The following LRP1B variants were observed in gnomAD, a reference collection of about 807,000 sequenced individuals.
LRP1B encodes the protein LDL receptor related protein 1B.
In LRP1B, 217 loss-of-function variants were observed where a neutral mutation model predicts 556.6. The observed-to-expected ratio is 0.39, with a 90% CI of 0.35 to 0.44. LRP1B has a LOEUF of 0.44. Ranked by LOEUF, LRP1B falls within the 20% of genes least tolerant of loss-of-function variation. The pLI is 1.00. For synonymous variants in LRP1B, 2,047 were observed against 1,865.8 expected (o/e 1.10, Z -2.50); for missense variants, 5,053 against 5,620.8 (o/e 0.90, Z 3.23).
At chr2:140,822,148 A>G (rs904605997) in intron 31 of LRP1B, among the ~76,000 whole-genome samples, 4 of 152,238 alleles carry the variant, frequency 2.6e-5, no homozygotes, top group African/African-American at 9.6e-5. Context: ...AATTCATAAT[A>G]TAAGGGCATT....
intron 1 of LRP1B, among the ~76,000 whole-genome samples, chr2:141,927,015 T>C (rs1205401146): frequency 6.6e-6 from 1 of 152,160 alleles, no homozygotes; most frequent in Non-Finnish European, 1.5e-5. Context: ...TGATTGTTAT[T>C]TACTGAATCA....
chr2:142,066,065 A>G (rs1367209329), intron 1 of LRP1B, among the ~76,000 whole-genome samples: 1 of 151,520 alleles, frequency 6.6e-6, no homozygotes, highest in African/African-American at 2.4e-5. Context: ...GAAAAAAAGA[A>G]TCACCAGTCC....
intron 84 of LRP1B, among the ~76,000 whole-genome samples, chr2:140,294,343 C>T (rs1032931576): frequency 6.6e-6 from 1 of 152,104 alleles, no homozygotes; most frequent in Non-Finnish European, 1.5e-5. Context: ...CTTTTGTTAA[C>T]ATTTATTCAA....
At chr2:140,729,137 GA>G (rs1482298045) in intron 35 of LRP1B, among the ~76,000 whole-genome samples, 1 of 151,850 alleles carries the variant, frequency 6.6e-6, no homozygotes, top group Non-Finnish European at 1.5e-5. Flanking sequence ...AAAAAGAGAA[GA>G]ATCTAATTTT....
chr2:141,771,590 AC>A, intron 2 of LRP1B, among the ~76,000 whole-genome samples: 1 of 152,116 alleles, frequency 6.6e-6, no homozygotes, highest in Non-Finnish European at 1.5e-5. Flanking sequence ...TAATTCTAGG[AC>A]CTTTTTTTAA....
intron 23 of LRP1B, chr2:140,898,985 A>G (rs1694026885): frequency 5.3e-6 from 2 of 376,826 alleles, no homozygotes; most frequent in South Asian, 2.2e-5. Flanking sequence ...AACTGTCTTG[A>G]GCTCAGCATG....
chr2:141,178,467 G>A lies in LRP1B; in HGVS notation c.1013+9954C>T, dbSNP rs564441642. On this transcript the variant is annotated intron_variant, in intron 7 of 90. Transcript: ENST00000389484. ...GATTCAGATATCTTTGAGCCTTTTG[G>A]TTCTTAGGTTGCTGTACAAAAGGAA... 3.8e-4 allele frequency among the ~76,000 whole-genome samples: 58 copies of A among 152,204 alleles called. 1 individual carries two copies. The highest frequency in any genetic ancestry group is 5.4e-4 in the Non-Finnish European group (37 of 68,004).
At chr2:140,665,034 C>T (rs886993258) in intron 41 of LRP1B, among the ~76,000 whole-genome samples, 1 of 152,022 alleles carries the variant, frequency 6.6e-6, no homozygotes, top group East Asian at 1.9e-4. Context: ...TAATTTGTAT[C>T]TTACCTTTAG....
At chr2:141,837,632 T>C (rs1697330654) in intron 1 of LRP1B, among the ~76,000 whole-genome samples, 1 of 152,124 alleles carries the variant, frequency 6.6e-6, no homozygotes, top group Admixed American at 6.6e-5. Context: ...GAAAGTTCTT[T>C]GGAGAAACTG....
intron 3 of LRP1B, among the ~76,000 whole-genome samples, chr2:141,381,286 G>A (rs1689632621): frequency 6.6e-6 from 1 of 151,402 alleles, no homozygotes. Flanking sequence ...AGTGGTTCAA[G>A]AGCAGACTCG....
intron 3 of LRP1B, among the ~76,000 whole-genome samples, chr2:141,398,361 G>A (rs930398696): frequency 1.3e-5 from 2 of 152,106 alleles, no homozygotes; most frequent in Non-Finnish European, 2.9e-5. Flanking sequence ...ATGCTCAAAA[G>A]GTGGCCAAAA....
chr2:141,368,776 A>T (rs1361087191), intron 3 of LRP1B, among the ~76,000 whole-genome samples: 2 of 152,226 alleles, frequency 1.3e-5, no homozygotes, highest in East Asian at 3.8e-4. Flanking sequence ...GAAAGCTATT[A>T]TGTAAGAATA....
chr2:141,180,048 G>T (rs1332417409), intron 7 of LRP1B, among the ~76,000 whole-genome samples: 1 of 151,628 alleles, frequency 6.6e-6, no homozygotes, highest in African/African-American at 2.4e-5. Context: ...TGCAAACCAA[G>T]ATTCTTCCAG....
intron 66 of LRP1B, among the ~76,000 whole-genome samples, chr2:140,428,324 C>A (rs1042099577): frequency 6.6e-6 from 1 of 152,176 alleles, no homozygotes; most frequent in South Asian, 2.1e-4. Flanking sequence ...AGACAAACCC[C>A]AGCCACATCT....
chr2:140,688,702 T>C (rs139477246), intron 41 of LRP1B, among the ~76,000 whole-genome samples: 143 of 152,310 alleles, frequency 9.4e-4, no homozygotes, highest in Non-Finnish European at 1.6e-3. Flanking sequence ...TAGCAGTTGC[T>C]GTGCAAGCAG....
intron 60 of LRP1B, among the ~76,000 whole-genome samples, chr2:140,472,891 G>A (rs967791180): frequency 2.6e-5 from 4 of 151,846 alleles, no homozygotes; most frequent in South Asian, 4.2e-4. Flanking sequence ...ATGTCTCATC[G>A]TTCTGGTTAG....
intron 2 of LRP1B, among the ~76,000 whole-genome samples, chr2:141,753,162 C>T (rs1159224159): frequency 2.1e-5 from 3 of 144,910 alleles, no homozygotes; most frequent in Non-Finnish European, 3.0e-5. Flanking sequence ...GCAGGAGAAT[C>T]GCTTGAACCT....
At chr2:141,384,711 T>G (rs1573884164) in intron 3 of LRP1B, among the ~76,000 whole-genome samples, 1 of 152,092 alleles carries the variant, frequency 6.6e-6, no homozygotes, top group African/African-American at 2.4e-5. Flanking sequence ...TAATCAAACA[T>G]CTTGGCCCCT....
At chr2:141,295,452 T>C (rs1686144185) in intron 3 of LRP1B, among the ~76,000 whole-genome samples, 1 of 152,104 alleles carries the variant, frequency 6.6e-6, no homozygotes, top group Non-Finnish European at 1.5e-5. Flanking sequence ...TTAATGAATC[T>C]CAATTTAGGG....
Sources: gnomAD v4.1 joint callset for allele counts (sites outside exome capture counted in the v4.1 genomes callset) on GRCh38, gnomAD v4.1.1 for gene constraint, MANE v1.5 for transcripts, NCBI Gene and HGNC (gene_info 2026-07-23, HGNC 2026-07-21) for gene names.